Variants in ELMO1 observed in about 807,000 individuals in gnomAD.
ELMO1 encodes engulfment and cell motility 1, also known as engulfment and cell motility protein 1.
ELMO1 carries 26 observed loss-of-function variants against 98.9 expected under a neutral mutation model. The ratio of observed to expected loss-of-function variants is 0.26; its 90% confidence interval spans 0.19 to 0.36. The LOEUF is 0.36. Ranked by LOEUF, ELMO1 falls within the 10% of genes least tolerant of loss-of-function variation. The pLI is 1.00. For missense variants in ELMO1, 627 were observed against 935.2 expected, an observed-to-expected ratio of 0.67 and a Z score of 4.30; for synonymous variants, 346 against 346.0, an observed-to-expected ratio of 1.00 and a Z score of 0.00.
At chr7:37,213,579 T>G in intron 11 of ELMO1, 122 bp from the exon 12 acceptor site, 1 of 866,718 alleles carries the variant, frequency 1.2e-6, no homozygotes, top group Non-Finnish European at 1.7e-6. Flanking sequence ...AGAAGGAAGG[T>G]GAGGGCACAG....
At chr7:36,861,772 A>G (rs376845019) in intron 20 of ELMO1, 36 bp from the exon 21 acceptor site, 1 of 1,600,512 alleles carries the variant, frequency 6.2e-7, no homozygotes, top group African/African-American at 1.3e-5. Flanking sequence ...CCTTAAGGAA[A>G]ATCGGCACAT....
intron 13 of ELMO1, chr7:37,211,181 C>A: frequency 1.6e-6 from 1 of 644,366 alleles, no homozygotes; most frequent in Non-Finnish European, 2.6e-6. Flanking sequence ...CAGTATTAGT[C>A]ACACTTGTGC....
chr7:37,411,727 T>C (rs1366133891), intron 1 of ELMO1, among the ~76,000 whole-genome samples: 1 of 152,174 alleles, frequency 6.6e-6, no homozygotes, highest in African/African-American at 2.4e-5. Context: ...CCTGATCTGG[T>C]TCATAAACTT....
At chr7:37,025,909 C>CTATCTATA (rs1794546407) in intron 15 of ELMO1, among the ~76,000 whole-genome samples, 1 of 149,094 alleles carries the variant, frequency 6.7e-6, no homozygotes, top group Non-Finnish European at 1.5e-5. Flanking sequence ...ATCTATCTAT[C>CTATCTATA]TATCTATCTA....
At chr7:36,974,432 T>C (rs1052155553) in intron 16 of ELMO1, among the ~76,000 whole-genome samples, 18 of 152,212 alleles carry the variant, frequency 1.2e-4, no homozygotes, top group Admixed American at 6.5e-5. Flanking sequence ...ATCAGCACCC[T>C]GTGTCTAGCT....
intron 5 of ELMO1, among the ~76,000 whole-genome samples, chr7:37,264,766 TA>T (rs1309300227): frequency 6.6e-6 from 1 of 152,134 alleles, no homozygotes; most frequent in Admixed American, 6.5e-5. Context: ...AAACAGCTCA[TA>T]AAGGATTAGC....
intron 4 of ELMO1, among the ~76,000 whole-genome samples, chr7:37,304,781 T>C (rs1798523463): frequency 6.6e-6 from 1 of 152,172 alleles, no homozygotes; most frequent in African/African-American, 2.4e-5. Flanking sequence ...GCAAGCAAAC[T>C]AGATGGCATA....
At chr7:37,131,231 C>T (rs1288325205) in intron 14 of ELMO1, among the ~76,000 whole-genome samples, 1 of 152,026 alleles carries the variant, frequency 6.6e-6, no homozygotes, top group African/African-American at 2.4e-5. Context: ...AGGGAAAGGA[C>T]ACTTCTGAGA....
chr7:36,956,493 C>T (rs896956558), intron 16 of ELMO1, among the ~76,000 whole-genome samples: 1 of 152,156 alleles, frequency 6.6e-6, no homozygotes, highest in African/African-American at 2.4e-5. Context: ...TCTGATCAAT[C>T]ATCATGTTAT....
intron 1 of ELMO1, among the ~76,000 whole-genome samples, chr7:37,432,958 T>C (rs971673143): frequency 6.6e-6 from 1 of 152,212 alleles, no homozygotes; most frequent in Admixed American, 6.5e-5. Flanking sequence ...AAATGTTGGT[T>C]TCTTCTTCTG....
chr7:37,112,417 T>A (rs61700185), intron 14 of ELMO1, among the ~76,000 whole-genome samples: 42,266 of 151,972 alleles, frequency 0.28, 8,171 homozygotes, highest in African/African-American at 0.55. Context: ...GTCAGCAGAA[T>A]AAGCACATGC....
intron 13 of ELMO1, among the ~76,000 whole-genome samples, chr7:37,138,065 G>A (rs1787378619): frequency 6.6e-6 from 1 of 152,106 alleles, no homozygotes; most frequent in South Asian, 2.1e-4. Flanking sequence ...CAAAACCTCT[G>A]GGATATAGCA....
chr7:37,268,536 G>A (rs935759915), intron 5 of ELMO1, among the ~76,000 whole-genome samples: 9 of 152,108 alleles, frequency 5.9e-5, no homozygotes, highest in African/African-American at 7.2e-5. Flanking sequence ...TCCTGACCTC[G>A]TGATCTACCC....
intron 13 of ELMO1, among the ~76,000 whole-genome samples, chr7:37,205,684 G>A (rs977337475): frequency 6.6e-6 from 1 of 152,142 alleles, no homozygotes; most frequent in African/African-American, 2.4e-5. Flanking sequence ...GGAAGGCAGG[G>A]TGGTGGCTTG....
chr7:37,005,908 G>A (rs759198177), intron 16 of ELMO1, among the ~76,000 whole-genome samples: 1 of 152,072 alleles, frequency 6.6e-6, no homozygotes, highest in Non-Finnish European at 1.5e-5. Flanking sequence ...TGCTGAGCCT[G>A]CCAGTTTATC....
intron 13 of ELMO1, among the ~76,000 whole-genome samples, chr7:37,175,657 G>A (rs1790460100): frequency 6.6e-6 from 1 of 152,094 alleles, no homozygotes; most frequent in Admixed American, 6.6e-5. Context: ...ACCAGCCTGG[G>A]AAACATGGTG....
chr7:37,377,564 T>G (rs1250673400), intron 1 of ELMO1, among the ~76,000 whole-genome samples: 1 of 152,114 alleles, frequency 6.6e-6, no homozygotes, highest in African/African-American at 2.4e-5. Context: ...AGAAGGTAGA[T>G]ATACTTGCAT....
At chr7:37,292,146 C>G (rs1246216792) in intron 4 of ELMO1, among the ~76,000 whole-genome samples, 1 of 123,388 alleles carries the variant, frequency 8.1e-6, no homozygotes, top group Non-Finnish European at 1.9e-5. Context: ...GATGGGGATT[C>G]GCTGTGTTGG....
At chr7:37,021,509 A>T (rs1794266098) in intron 15 of ELMO1, among the ~76,000 whole-genome samples, 1 of 152,156 alleles carries the variant, frequency 6.6e-6, no homozygotes, top group South Asian at 2.1e-4. Flanking sequence ...CAGCCAATTC[A>T]GCAAAAGTAA....
Sources: gnomAD v4.1 joint callset for allele counts (sites outside exome capture counted in the v4.1 genomes callset) on GRCh38, gnomAD v4.1.1 for gene constraint, MANE v1.5 for transcripts, NCBI Gene and HGNC (gene_info 2026-07-23, HGNC 2026-07-21) for gene names.